Variants in CDON observed in about 807,000 individuals in gnomAD.
CDON encodes the protein cell adhesion molecule-related/down-regulated by oncogenes.
In CDON, 73 loss-of-function variants were observed where a neutral mutation model predicts 120.9. That is an observed-to-expected ratio of 0.60 (90% CI 0.50 to 0.73). The LOEUF (loss-of-function observed/expected upper bound fraction) is 0.73, where lower values mean the gene tolerates loss of function less well. CDON is among the 30% of genes least tolerant of loss of function. The pLI is 0.00. For missense variants in CDON, 1,470 were observed against 1,587.3 expected, an observed-to-expected ratio of 0.93 and a Z score of 1.26; for synonymous variants, 566 against 573.5, an observed-to-expected ratio of 0.99 and a Z score of 0.19.
intron 1 of CDON, among the ~76,000 whole-genome samples, chr11:126,030,794 T>C (rs534184732): frequency 2.0e-5 from 3 of 152,334 alleles, no homozygotes; most frequent in East Asian, 3.9e-4. Flanking sequence ...TTTTAACCCA[T>C]TGGGCTACCT....
chr11:126,021,838 C>G (rs1007402021), intron 2 of CDON, among the ~76,000 whole-genome samples: 2 of 151,926 alleles, frequency 1.3e-5, no homozygotes, highest in African/African-American at 2.4e-5. Flanking sequence ...GCCCTGGGGC[C>G]CCCGCCTATA....
intron 1 of CDON, among the ~76,000 whole-genome samples, chr11:126,059,401 T>A (rs1185615262): frequency 6.6e-6 from 1 of 152,200 alleles, no homozygotes; most frequent in Non-Finnish European, 1.5e-5. Flanking sequence ...TCTTACAAGA[T>A]AAGCTGTTAA....
chr11:125,971,126 G>A (rs1480854358), intron 18 of CDON, among the ~76,000 whole-genome samples: 1 of 152,182 alleles, frequency 6.6e-6, no homozygotes, highest in East Asian at 1.9e-4. Flanking sequence ...GCTCACGCCT[G>A]TAATCCCAGT....
chr11:126,059,244 C>T lies in CDON; in HGVS notation c.-62+3335G>A, dbSNP rs184630595. ...CAAAGAAAACTTACCAAGTCTGCAA[C>T]GTGTATATGCTTGTGCTTCGGAGGG... On this transcript the variant is annotated intron_variant, in intron 1 of 19. Transcript: ENST00000531738. Among the ~76,000 whole-genome samples the T allele has an allele frequency of 2.4e-3, 363 of 152,274 alleles. 2 individuals carry two copies. Among genetic ancestry groups the T allele is most frequent in the Middle Eastern group, 0.01 (3 of 294 alleles).
intron 1 of CDON, among the ~76,000 whole-genome samples, chr11:126,025,368 G>T (rs534299235): frequency 5.0e-4 from 76 of 152,270 alleles, no homozygotes; most frequent in African/African-American, 1.8e-3. Context: ...TTTCAGTGGA[G>T]AAAAGACAAA....
chr11:125,963,256 G>A (rs1945697364), intron 18 of CDON, among the ~76,000 whole-genome samples: 1 of 152,096 alleles, frequency 6.6e-6, no homozygotes, highest in South Asian at 2.1e-4. Flanking sequence ...ATCTGTTGAT[G>A]ATCAAGCTAT....
At chr11:126,002,870 C>T (rs1470491037) in intron 10 of CDON, among the ~76,000 whole-genome samples, 3 of 152,208 alleles carry the variant, frequency 2.0e-5, no homozygotes, top group African/African-American at 7.2e-5. Flanking sequence ...TCCTCACCCA[C>T]GTTGCTCCCA....
Position 125,983,853 on chromosome 11 carries a change from A to T in CDON, c.2995+19T>A. 1 of 1,557,782 alleles carries T rather than the reference A, an allele frequency of 6.4e-7. No homozygotes were observed. The highest frequency in any genetic ancestry group is 8.9e-7 in the Non-Finnish European group (1 of 1,129,496). The stretch of plus-strand genomic sequence containing the variant: ...CCCACCTTTAGAAAAAGAGAAGGAG[A>T]TATTTATGAGTGACTTACTTTGTAT... On this transcript the variant is annotated intron_variant, in intron 16 of 19. Coordinates refer to ENST00000531738, the MANE Select transcript of CDON (RefSeq NM_001378964.1).
At chr11:125,970,672 A>C (rs1444025002) in intron 18 of CDON, among the ~76,000 whole-genome samples, 1 of 152,160 alleles carries the variant, frequency 6.6e-6, no homozygotes, top group East Asian at 1.9e-4. Context: ...TTAGAGTGGG[A>C]GTTTCCTTTT....
At chr11:125,970,638 T>C (rs577138455) in intron 18 of CDON, among the ~76,000 whole-genome samples, 9 of 152,308 alleles carry the variant, frequency 5.9e-5, no homozygotes, top group African/African-American at 2.2e-4. Flanking sequence ...ATCTGCTCTG[T>C]TGGATGCTGC....
chr11:126,037,285 G>A (rs1335656185), intron 1 of CDON, among the ~76,000 whole-genome samples: 1 of 151,938 alleles, frequency 6.6e-6, no homozygotes, highest in Non-Finnish European at 1.5e-5. Flanking sequence ...ATTTTTAGTA[G>A]AGATGGGTTT....
intron 14 of CDON, among the ~76,000 whole-genome samples, chr11:125,991,296 T>C (rs551985570): frequency 6.6e-6 from 1 of 152,318 alleles, no homozygotes; most frequent in South Asian, 2.1e-4. Flanking sequence ...GACAACTAAG[T>C]ACATCATTAG....
At chr11:125,973,624 A>G (rs1946066633) in intron 18 of CDON, among the ~76,000 whole-genome samples, 1 of 152,218 alleles carries the variant, frequency 6.6e-6, no homozygotes, top group Non-Finnish European at 1.5e-5. Context: ...TCGCCTTTTA[A>G]TTCTGACTCC....
chr11:126,002,394 C>T (rs749687582), intron 10 of CDON, among the ~76,000 whole-genome samples: 1 of 152,128 alleles, frequency 6.6e-6, no homozygotes, highest in African/African-American at 2.4e-5. Context: ...AGAAAGTACT[C>T]GTTATTTTTC....
Position 126,005,621 on chromosome 11 carries a change from A to G in CDON, c.1851+138T>C, listed in dbSNP as rs1395767004. The G allele has an allele frequency of 6.4e-6, 5 of 785,258 alleles. No homozygotes were observed. In the Admixed American group the frequency reaches 7.9e-5, roughly 12 times the overall value. 48.6% of individuals were successfully genotyped at this position (785,258 alleles called of 1,614,324 possible). ...GATTGGTAAATCCAGCATGACTGGG[A>G]TCTCTCTGACAAACTCATCAGTCTG... On this transcript the variant is annotated intron_variant, in intron 9 of 19. Transcript: ENST00000531738.
chr11:126,056,846 C>CT (rs915202926), intron 1 of CDON, among the ~76,000 whole-genome samples: 3 of 152,202 alleles, frequency 2.0e-5, no homozygotes, highest in Admixed American at 6.5e-5. Flanking sequence ...CCTAGCTCCA[C>CT]TTTCTTCCTT....
chr11:125,971,251 C>G (rs997422538), intron 18 of CDON, among the ~76,000 whole-genome samples: 1 of 151,890 alleles, frequency 6.6e-6, no homozygotes, highest in African/African-American at 2.4e-5. Context: ...GGTGTGGTGG[C>G]GGGCACTTGT....
intron 3 of CDON, 50 bp from the exon 4 acceptor site, chr11:126,019,815 T>C: frequency 6.5e-7 from 1 of 1,536,274 alleles, no homozygotes; most frequent in Non-Finnish European, 8.9e-7. Context: ...ATTTGAATTC[T>C]TTTTCCCAAA....
intron 1 of CDON, among the ~76,000 whole-genome samples, chr11:126,028,373 CTTTT>C (rs199804227): frequency 6.8e-6 from 1 of 147,764 alleles, no homozygotes; most frequent in African/African-American, 2.5e-5. Flanking sequence ...TATTAAAATT[CTTTT>C]TTTTTTGAGA....
Sources: gnomAD v4.1 joint callset for allele counts (sites outside exome capture counted in the v4.1 genomes callset) on GRCh38, gnomAD v4.1.1 for gene constraint, MANE v1.5 for transcripts, NCBI Gene and HGNC (gene_info 2026-07-23, HGNC 2026-07-21) for gene names.